NAE1: variants seen among roughly 807,000 people sequenced by gnomAD.
The protein encoded by NAE1 is NEDD8-activating enzyme E1 regulatory subunit.
A neutral mutation model predicts 88.0 loss-of-function variants in NAE1; 59 were observed. That is an observed-to-expected ratio of 0.67 (90% CI 0.54 to 0.83). The LOEUF (loss-of-function observed/expected upper bound fraction) is 0.83. Ranked by LOEUF, NAE1 falls within the 40% of genes least tolerant of loss-of-function variation. The pLI, the probability that NAE1 is intolerant of heterozygous loss-of-function variation, is 0.00. For synonymous variants in NAE1, 186 were observed against 208.9 expected (o/e 0.89, Z 0.95); for missense variants, 554 against 632.8 (o/e 0.88, Z 1.34).
At chr16:66,829,262 C>T (rs1960597158) in intron 1 of NAE1, among the ~76,000 whole-genome samples, 1 of 152,212 alleles carries the variant, frequency 6.6e-6, no homozygotes, top group African/African-American at 2.4e-5. Flanking sequence ...ATCTTCTCAG[C>T]TCTGTCATGT....
At chr16:66,820,951 C>A (rs1462898206) in intron 7 of NAE1, among the ~76,000 whole-genome samples, 1 of 151,040 alleles carries the variant, frequency 6.6e-6, no homozygotes, top group Non-Finnish European at 1.5e-5. Context: ...TGCCTGTAAT[C>A]CCAGATACTT....
At chr16:66,817,768 A>C (rs974090154) in intron 8 of NAE1, among the ~76,000 whole-genome samples, 3 of 152,076 alleles carry the variant, frequency 2.0e-5, no homozygotes, top group Non-Finnish European at 4.4e-5. Context: ...TCAGACACCA[A>C]TCCTAAGTAA....
chr16:66,816,787 C>T (rs182563683), intron 10 of NAE1, 115 bp from the exon 11 acceptor site: 111 of 1,258,904 alleles, frequency 8.8e-5, no homozygotes, highest in Middle Eastern at 1.9e-4. Context: ...AGAAGAAATA[C>T]GGCTTATCAT....
At chr16:66,826,446 CCTGA>C in intron 3 of NAE1, 73 bp downstream of exon 3, 1 of 1,374,676 alleles carries the variant, frequency 7.3e-7, no homozygotes. Context: ...GTCGAGTCAC[CCTGA>C]CTGAGGAGGT....
chr16:66,816,874 G>A (rs1314309789), intron 10 of NAE1, 91 bp downstream of exon 10: 10 of 1,527,544 alleles, frequency 6.5e-6, no homozygotes, highest in Non-Finnish European at 8.7e-6. Context: ...GCTATCATCT[G>A]ACAAAGGTGT....
intron 13 of NAE1, among the ~76,000 whole-genome samples, chr16:66,811,327 T>C (rs1409765063): frequency 6.6e-6 from 1 of 152,082 alleles, no homozygotes; most frequent in African/African-American, 2.4e-5. Context: ...CCGACTAATT[T>C]TTGTCTTTTT....
intron 6 of NAE1, among the ~76,000 whole-genome samples, chr16:66,822,290 T>A (rs569039559): frequency 3.9e-5 from 6 of 152,290 alleles, no homozygotes; most frequent in Non-Finnish European, 7.4e-5. Context: ...ACATCTAAGG[T>A]TAGGCTTGGT....
At chr16:66,829,975 T>C (rs111744631) in intron 1 of NAE1, among the ~76,000 whole-genome samples, 1 of 152,280 alleles carries the variant, frequency 6.6e-6, no homozygotes, top group Non-Finnish European at 1.5e-5. Context: ...AACCTACACC[T>C]CCTGGATTCA....
intron 3 of NAE1, among the ~76,000 whole-genome samples, chr16:66,825,625 C>G (rs1317601948): frequency 6.6e-6 from 1 of 152,042 alleles, no homozygotes; most frequent in Non-Finnish European, 1.5e-5. Context: ...CAGCTCTTAT[C>G]GTTCCCTAGA....
At position 66,803,019 on chromosome 16, in the gene NAE1, A is replaced by G. The variant is rs747961791; in HGVS notation, c.1595T>C (p.Phe532Ser). 4 of 1,596,042 alleles carry G rather than the reference A, an allele frequency of 2.5e-6. No homozygotes were observed. Among genetic ancestry groups the G allele is most frequent in the Non-Finnish European group, 3.4e-6 (4 of 1,163,818 alleles). ...AGGTGCTTGCTTACTCTACAACTGG[A>G]AAGTTGCTGAAGTTTGTGACATGCC... ...YSGMSQTSAT[F>S]QL The change falls in exon 20 of 20, where the codon TTC (phenylalanine) becomes TCC (serine). Residue 532 changes from phenylalanine (F) to serine (S), a missense_variant. Coordinates refer to ENST00000290810, the MANE Select transcript of NAE1 (RefSeq NM_003905.4).
intron 1 of NAE1, among the ~76,000 whole-genome samples, chr16:66,830,055 T>A (rs558494131): frequency 6.6e-6 from 1 of 152,186 alleles, no homozygotes; most frequent in African/African-American, 2.4e-5. Context: ...CCAGCTAATT[T>A]CTGAATTTTT....
intron 11 of NAE1, among the ~76,000 whole-genome samples, chr16:66,816,375 G>A (rs534255692): frequency 5.3e-4 from 81 of 152,010 alleles, no homozygotes; most frequent in Non-Finnish European, 1.0e-3. Context: ...ATGTTGGCCA[G>A]GCTGGTCTCG....
intron 9 of NAE1, 54 bp downstream of exon 9, chr16:66,817,371 G>T: frequency 7.2e-7 from 1 of 1,386,002 alleles, no homozygotes; most frequent in African/African-American, 1.4e-5. Context: ...GAAATCCTTT[G>T]TAAGAAACTG....
chr16:66,823,509 T>C lies in NAE1; in HGVS notation c.321+20A>G. The C allele has an allele frequency of 1.3e-6, 2 of 1,585,172 alleles. No individual in the cohort carries two copies. Among genetic ancestry groups the C allele is most frequent in the Non-Finnish European group, 1.7e-6 (2 of 1,160,248 alleles). On this transcript the variant is annotated intron_variant, in intron 5 of 19. Coordinates refer to ENST00000290810, the MANE Select transcript of NAE1 (RefSeq NM_003905.4). ...AAATTGTATTTCAGCACAGACATAA[T>C]AATGTGTGTACATATATACCTCTTC...
chr16:66,814,907 C>T (rs1279746096), intron 11 of NAE1, among the ~76,000 whole-genome samples: 1 of 152,216 alleles, frequency 6.6e-6, no homozygotes, highest in East Asian at 1.9e-4. Context: ...ATCACACTGA[C>T]TTGCTTACTG....
chr16:66,803,767 A>G (rs969888066), intron 19 of NAE1, among the ~76,000 whole-genome samples: 1 of 151,876 alleles, frequency 6.6e-6, no homozygotes, highest in Non-Finnish European at 1.5e-5. Flanking sequence ...ATTTTTTTGT[A>G]TTTTTAGTAG....
Position 66,826,542 on chromosome 16 carries a change from C to T in NAE1, c.199G>A (p.Gly67Arg), listed in dbSNP as rs761797601. Residue 67 changes from glycine to arginine, a missense_variant, in exon 3 of 20, where the codon GGA (glycine) becomes AGA (arginine). By Grantham distance (125) the Gly-to-Arg change is moderately radical. Transcript: ENST00000290810. ...ACATACTTGTTTCCAGCATCTTCTC[C>T]GCTGACCTGATTTCCATCAATAATT... is the stretch of plus-strand genomic sequence containing the variant. ...FTIIDGNQVS[G>R]EDAGNNFFLQ... is the part of the protein sequence containing the mutation. The T allele has an allele frequency of 9.9e-6, 16 of 1,613,998 alleles. No individual in the cohort carries two copies. The highest frequency in any genetic ancestry group is 1.3e-5 in the African/African-American group (1 of 74,928).
intron 1 of NAE1, 129 bp from the exon 2 acceptor site, chr16:66,826,909 G>A: frequency 3.8e-6 from 3 of 782,068 alleles, no homozygotes; most frequent in Non-Finnish European, 6.1e-6. Flanking sequence ...GGTAAGACGG[G>A]AACAGATATT....
At chr16:66,826,869 C>A in intron 1 of NAE1, 89 bp from the exon 2 acceptor site, 1 of 1,187,272 alleles carries the variant, frequency 8.4e-7, no homozygotes, top group Non-Finnish European at 1.2e-6. Context: ...ACTTTCCTTG[C>A]ATAGACTGAT....
Sources: gnomAD v4.1 joint callset for allele counts (sites outside exome capture counted in the v4.1 genomes callset) on GRCh38, gnomAD v4.1.1 for gene constraint, MANE v1.5 for transcripts, NCBI Gene and HGNC (gene_info 2026-07-23, HGNC 2026-07-21) for gene names.